TLE1: variants seen among roughly 807,000 people sequenced by gnomAD.
TLE1 encodes TLE family member 1, transcriptional corepressor.
TLE1 carries 21 observed loss-of-function variants against 89.8 expected under a neutral mutation model. That is an observed-to-expected ratio of 0.23 (90% CI 0.17 to 0.34). The LOEUF is 0.34. Among genes scored for constraint, TLE1 ranks in the 10% least tolerant of loss-of-function variants. The probability of loss-of-function intolerance (pLI) is 1.00; values close to 1 mark genes in which losing one functional copy is unlikely to be tolerated. For synonymous variants in TLE1, 447 were observed against 407.6 expected, an observed-to-expected ratio of 1.10 and a Z score of -1.16; for missense variants, 795 against 1,031.2, an observed-to-expected ratio of 0.77 and a Z score of 3.14.
chr9:81,645,163 C>T (rs1369424861), intron 6 of TLE1, among the ~76,000 whole-genome samples: 2 of 151,530 alleles, frequency 1.3e-5, no homozygotes, highest in African/African-American at 4.9e-5. Flanking sequence ...AGTTCCAGAC[C>T]AGCCTGACCA....
At chr9:81,641,459 C>G (rs1464005777) in intron 6 of TLE1, among the ~76,000 whole-genome samples, 1 of 152,118 alleles carries the variant, frequency 6.6e-6, no homozygotes, top group Non-Finnish European at 1.5e-5. Flanking sequence ...CCACTAAAGG[C>G]CCCATCTCAA....
At position 81,680,878 on chromosome 9, in the gene TLE1, G is replaced by T. The variant is rs184318844; in HGVS notation, c.234+4798C>A. On this transcript the variant is annotated intron_variant, in intron 4 of 19. Coordinates refer to ENST00000376499, the MANE Select transcript of TLE1 (RefSeq NM_005077.5). ...TTTCCCTGTGTGAGATGTTGACTTA[G>T]GGGGAAAAAAAATCTCAAAGTGAGA... Among the ~76,000 whole-genome samples, 225 of 135,838 alleles carry T rather than the reference G, an allele frequency of 1.7e-3. 5 individuals carry two copies. Among genetic ancestry groups the T allele is most frequent in the South Asian group, 0.011 (48 of 4,464 alleles). The allele number at this position is 135,838 out of a possible 152,430, so 89.1% of individuals were successfully genotyped here.
At position 81,656,839 on chromosome 9, in the gene TLE1, C is replaced by T. The variant is rs139251920; in HGVS notation, c.235-2803G>A. ...GCACAATTAACAACTCTGTCAAATA[C>T]GCCTCCACACAGATCTCTAAAAGGA... On this transcript the variant is annotated intron_variant, in intron 4 of 19. Coordinates refer to ENST00000376499, the MANE Select transcript of TLE1 (RefSeq NM_005077.5). Among the ~76,000 whole-genome samples the T allele has an allele frequency of 0.013, 1,910 of 152,302 alleles. 64 individuals are homozygous for T. The South Asian group carries it at 0.14, about 11-fold the overall frequency.
At chr9:81,599,040 A>G (rs7018978) in intron 14 of TLE1, among the ~76,000 whole-genome samples, 28,877 of 152,142 alleles carry the variant, frequency 0.19, 4,624 homozygotes, top group East Asian at 0.54. Flanking sequence ...TCATTTCCCC[A>G]TTTTTACAAT....
rs760228621 is a variant in TLE1, at chr9:81,597,542, GCAGA to G, written c.1332-4272_1332-4269del. Among the ~76,000 whole-genome samples, 8 of 152,126 alleles carry G rather than the reference GCAGA, an allele frequency of 5.3e-5. No homozygotes were observed. In the East Asian group the frequency reaches 9.7e-4, roughly 18 times the overall value. ...GGATAGAATCGTGGCAAACTGCAGGGCAGACAGTCAGTCCTGGATCCCTCCTTAG... is the reference window on the plus strand; with the variant it reads ...GGATAGAATCGTGGCAAACTGCAGGGCAGTCAGTCCTGGATCCCTCCTTAG... On this transcript the variant is annotated intron_variant, in intron 14 of 19. Transcript: ENST00000376499.
intron 8 of TLE1, among the ~76,000 whole-genome samples, chr9:81,628,659 T>C (rs1826201394): frequency 6.6e-6 from 1 of 152,198 alleles, no homozygotes; most frequent in Admixed American, 6.5e-5. Context: ...ATGTTTGTCA[T>C]AATTATCTCT....
chr9:81,664,599 C>T (rs994089537), intron 4 of TLE1, among the ~76,000 whole-genome samples: 6 of 151,964 alleles, frequency 3.9e-5, no homozygotes, highest in African/African-American at 1.5e-4. Flanking sequence ...CAGTGGCTCA[C>T]GCCTACAATC....
chr9:81,683,557 G>T (rs1052012350), intron 4 of TLE1, among the ~76,000 whole-genome samples: 2 of 152,136 alleles, frequency 1.3e-5, no homozygotes, highest in Non-Finnish European at 2.9e-5. Context: ...TGCCTCCTCA[G>T]AACTTATTAT....
rs531274386 is a variant in TLE1, at chr9:81,590,788, C to T, written c.1829+17G>A. On this transcript the variant is annotated intron_variant, in intron 16 of 19. Coordinates refer to ENST00000376499, the MANE Select transcript of TLE1 (RefSeq NM_005077.5). Reference sequence around the variant, plus strand: ...CTAAAGAAGCGAACCCCTCCTTAGACGACCATCTTTGCTCACCTCACTAGT... The same window carrying T: ...CTAAAGAAGCGAACCCCTCCTTAGATGACCATCTTTGCTCACCTCACTAGT... 8.7e-6 allele frequency: 14 copies of T among 1,608,096 alleles called. No individual in the cohort carries two copies. Among genetic ancestry groups the T allele is most frequent in the African/African-American group, 4.0e-5 (3 of 74,928 alleles).
chr9:81,620,549 G>A lies in TLE1; in HGVS notation c.603C>T (p.Ser201=). The A allele has an allele frequency of 2.5e-6, 4 of 1,609,030 alleles. No homozygotes were observed. The highest frequency in any genetic ancestry group is 1.1e-5 in the South Asian group (1 of 89,610). ...CTCTTAGACTGTCTGGGACCAGGAG[G>A]GAATTACTCTGCAAGACAAAAAAAT... The part of the protein sequence containing the change: ...HRDREPGTSN[S]LLVPDSLRGT... The change falls in exon 9 of 20, where the codon TCC becomes TCT. Residue 201 remains serine, a synonymous_variant. Transcript: ENST00000376499.
chr9:81,653,471 C>T (rs376219292), intron 5 of TLE1, among the ~76,000 whole-genome samples: 2 of 152,302 alleles, frequency 1.3e-5, no homozygotes, highest in South Asian at 4.1e-4. Context: ...TGTAACTAAA[C>T]AAAATAGCTT....
chr9:81,661,820 T>A (rs893681708), intron 4 of TLE1, among the ~76,000 whole-genome samples: 8 of 152,082 alleles, frequency 5.3e-5, no homozygotes, highest in African/African-American at 1.9e-4. Context: ...GTAAATTTTG[T>A]TGTAAGTAAG....
chr9:81,639,435 AG>A (rs1231882765), intron 6 of TLE1, among the ~76,000 whole-genome samples: 1 of 152,220 alleles, frequency 6.6e-6, no homozygotes, highest in African/African-American at 2.4e-5. Context: ...TCAACATGAC[AG>A]GAAGGATGAG....
intron 4 of TLE1, among the ~76,000 whole-genome samples, chr9:81,655,754 AAAG>A (rs1190427404): frequency 1.3e-5 from 2 of 151,916 alleles, no homozygotes; most frequent in African/African-American, 4.8e-5. Flanking sequence ...GAGAATGGAA[AAAG>A]ACAAAGTAGA....
intron 4 of TLE1, among the ~76,000 whole-genome samples, chr9:81,663,627 T>C (rs1037822829): frequency 6.6e-6 from 1 of 150,818 alleles, no homozygotes; most frequent in Non-Finnish European, 1.5e-5. Flanking sequence ...ATAGACTTTT[T>C]TTTTTTTTTT....
chr9:81,616,436 T>C (rs1824522355), intron 10 of TLE1, among the ~76,000 whole-genome samples: 1 of 152,188 alleles, frequency 6.6e-6, no homozygotes. Flanking sequence ...TCAAAATGTC[T>C]AGAGAAATAT....
intron 4 of TLE1, among the ~76,000 whole-genome samples, chr9:81,676,042 C>T (rs184341206): frequency 2.0e-5 from 3 of 152,208 alleles, no homozygotes; most frequent in Admixed American, 2.0e-4. Flanking sequence ...ATCTGAATTC[C>T]ATGGACTTGT....
chr9:81,671,640 G>A (rs1028800010), intron 4 of TLE1, among the ~76,000 whole-genome samples: 6 of 149,332 alleles, frequency 4.0e-5, no homozygotes, highest in East Asian at 2.0e-4. Flanking sequence ...GTGAGACTCC[G>A]TCTCAAAAAA....
intron 2 of TLE1, among the ~76,000 whole-genome samples, chr9:81,686,679 T>C (rs889254614): frequency 8.5e-5 from 13 of 152,336 alleles, no homozygotes; most frequent in East Asian, 1.9e-4. Context: ...AAGTTCACTA[T>C]TGGCAAAGTA....
Sources: gnomAD v4.1 joint callset for allele counts (sites outside exome capture counted in the v4.1 genomes callset) on GRCh38, gnomAD v4.1.1 for gene constraint, MANE v1.5 for transcripts, NCBI Gene and HGNC (gene_info 2026-07-23, HGNC 2026-07-21) for gene names.